The following DSP variants were observed in gnomAD, a reference collection of about 807,000 sequenced individuals.
The protein encoded by DSP is 250/210 kDa paraneoplastic pemphigus antigen.
A neutral mutation model predicts 290.6 loss-of-function variants in DSP; 114 were observed. The observed-to-expected ratio is 0.39, with a 90% CI of 0.34 to 0.46. The LOEUF (loss-of-function observed/expected upper bound fraction) is 0.46. DSP is among the 20% of genes least tolerant of loss of function. The pLI is 0.99. For synonymous variants in DSP, 1,311 were observed against 1,316.4 expected, an observed-to-expected ratio of 1.00 and a Z score of 0.09; for missense variants, 3,230 against 3,495.8, an observed-to-expected ratio of 0.92 and a Z score of 1.92.
intron 10 of DSP, 60 bp from the exon 11 acceptor site, chr6:7,568,377 A>C: frequency 6.3e-7 from 1 of 1,589,016 alleles, no homozygotes; most frequent in East Asian, 2.2e-5. Context: ...GCAGGTTGAA[A>C]ATCTCCTCTA....
intron 18 of DSP, 85 bp downstream of exon 18, chr6:7,575,573 AG>A: frequency 5.2e-6 from 8 of 1,531,266 alleles, no homozygotes; most frequent in Non-Finnish European, 7.2e-6. Context: ...GAACCACTGA[AG>A]AAAACAGAGG....
intron 15 of DSP, among the ~76,000 whole-genome samples, chr6:7,572,453 A>G (rs1275604142): frequency 2.0e-5 from 3 of 152,208 alleles, no homozygotes; most frequent in East Asian, 1.9e-4. Flanking sequence ...GAGTGTGACT[A>G]TGGCCCAGGT....
chr6:7,583,690 T>C lies in DSP; in HGVS notation c.6428T>C (p.Leu2143Ser), dbSNP rs1759532427. The C allele has an allele frequency of 6.2e-7, 1 of 1,614,044 alleles. No individual in the cohort carries two copies. The highest frequency in any genetic ancestry group is 8.5e-7 in the Non-Finnish European group (1 of 1,180,020). ...GVVDPVNSVF[L>S]PKDVALARGL... ...GTAGACCCTGTGAACAGTGTCTTTT[T>C]GCCAAAAGATGTCGCCTTGGCCCGG... The change falls in exon 24 of 24, where the codon TTG (leucine) becomes TCG (serine). Residue 2143 changes from leucine (L) to serine (S), a missense_variant. By Grantham distance (145) the Leu-to-Ser change is moderately radical. Coordinates refer to ENST00000379802, the MANE Select transcript of DSP (RefSeq NM_004415.4). This position sits in a 1 kb window ranked among gnomAD's most constrained non-coding sequence, Gnocchi z 4.0.
chr6:7,558,375 C>A, intron 3 of DSP, 111 bp downstream of exon 3: 1 of 1,466,362 alleles, frequency 6.8e-7, no homozygotes, highest in Non-Finnish European at 9.3e-7. Flanking sequence ...CACAAATGTT[C>A]CCAAGGAAAG....
At chr6:7,548,801 A>C (rs1485600410) in intron 1 of DSP, among the ~76,000 whole-genome samples, 2 of 152,194 alleles carry the variant, frequency 1.3e-5, no homozygotes, top group Non-Finnish European at 2.9e-5. Context: ...TGAGCTTTTG[A>C]AATCAGGGTA....
At chr6:7,543,698 T>G in intron 1 of DSP, among the ~76,000 whole-genome samples, 1 of 152,156 alleles carries the variant, frequency 6.6e-6, no homozygotes, top group Non-Finnish European at 1.5e-5. Context: ...CTTTTTGGCG[T>G]TTTCATGAAC....
Position 7,581,186 on chromosome 6 carries a change from C to A in DSP, c.4996C>A (p.Arg1666=). ...CTCTTCTGAGGTCGAGGCCCTGAGG[C>A]GGCAGTTACTCCAGGAACAGGAAAG... The part of the protein sequence containing the change: ...RLSSEVEALR[R]QLLQEQESVK... The change falls in exon 23 of 24, where the codon CGG becomes AGG. Residue 1666 remains arginine, a synonymous_variant. Coordinates refer to ENST00000379802, the MANE Select transcript of DSP (RefSeq NM_004415.4). 2.5e-6 allele frequency: 4 copies of A among 1,614,132 alleles called. No individual in the cohort carries two copies. The highest frequency in any genetic ancestry group is 3.4e-6 in the Non-Finnish European group (4 of 1,180,032).
In DSP at chr6:7,584,119, G is replaced by C; in HGVS notation, c.6857G>C (p.Gly2286Ala). ...EAMKIGLVRP[G>A]TALELLEAQA... The stretch of plus-strand genomic sequence containing the variant: ...ATGAAAATTGGCTTAGTCCGACCTG[G>C]TACTGCTCTGGAGTTGCTGGAAGCC... The change falls in exon 24 of 24, where the codon GGT becomes GCT. Residue 2286 changes from glycine (G) to alanine (A), a missense_variant. Gly to Ala is a moderately conservative substitution (Grantham distance 60, BLOSUM62 0). Around this residue, in one of 5 missense-constraint regions of DSP, gnomAD observed 207 missense variants for 281.2 expected, o/e 0.74. Coordinates refer to ENST00000379802, the MANE Select transcript of DSP (RefSeq NM_004415.4). The surrounding 1 kb of genome is among the most constrained non-coding windows in gnomAD (Gnocchi z 6.4). The C allele has an allele frequency of 6.2e-7, 1 of 1,614,110 alleles. No homozygotes were observed. Among genetic ancestry groups the C allele is most frequent in the South Asian group, 1.1e-5 (1 of 91,070 alleles).
Position 7,566,772 on chromosome 6 carries a change from A to G in DSP, c.1044+291A>G, listed in dbSNP as rs553017741. 1.2e-4 allele frequency among the ~76,000 whole-genome samples: 19 copies of G among 152,314 alleles called. No homozygotes were observed. The East Asian group carries it at 3.7e-3, about 29-fold the overall frequency. On this transcript the variant is annotated intron_variant, in intron 8 of 23. Coordinates refer to ENST00000379802, the MANE Select transcript of DSP (RefSeq NM_004415.4). ...AATGAATGAGTGTGCCTGTATTCCA[A>G]TAAAACTTTATTTACAAATAGAAGT...
At position 7,581,402 on chromosome 6, in the gene DSP, C is replaced by A. The variant is rs794728124; in HGVS notation, c.5212C>A (p.Arg1738=). 1.2e-6 allele frequency: 2 copies of A among 1,613,586 alleles called. No individual in the cohort carries two copies. Reference sequence around the variant, plus strand: ...GGAGTACGATGACCTGAGGAGAGGACGAAGCGAAGCGGACAGTGATAAAAA... The same window carrying A: ...GGAGTACGATGACCTGAGGAGAGGAAGAAGCGAAGCGGACAGTGATAAAAA... ...RLEYDDLRRG[R]SEADSDKNAT... Residue 1738 remains arginine, a synonymous_variant, in exon 23 of 24, where the codon CGA becomes AGA. Transcript: ENST00000379802.
intron 1 of DSP, among the ~76,000 whole-genome samples, chr6:7,546,186 A>G (rs1758165569): frequency 6.6e-6 from 1 of 152,182 alleles, no homozygotes. Flanking sequence ...ATGGAAAAGT[A>G]GGTATTGCCA....
rs1275478556 is a variant in DSP, at chr6:7,584,891, C to A, written c.7629C>A (p.Phe2543Leu). Reference protein sequence around the residue: ...AIDKGLVDRKFFDQYRSGSLS... With the variant: ...AIDKGLVDRKLFDQYRSGSLS... ...ACAAGGGCCTTGTTGACAGGAAGTT[C>A]TTTGATCAGTACCGATCCGGCAGCC... The change falls in exon 24 of 24, where the codon TTC becomes TTA. Residue 2543 changes from phenylalanine to leucine, a missense_variant. By Grantham distance (22) the Phe-to-Leu change is conservative (BLOSUM62 0). Around this residue, in one of 5 missense-constraint regions of DSP, gnomAD observed 582 missense variants for 555.4 expected, o/e 1.05. Transcript: ENST00000379802. This position sits in a 1 kb window ranked among gnomAD's most constrained non-coding sequence, Gnocchi z 6.4. The A allele has an allele frequency of 6.2e-7, 1 of 1,614,156 alleles. No individual in the cohort carries two copies. Among genetic ancestry groups the A allele is most frequent in the Non-Finnish European group, 8.5e-7 (1 of 1,180,024 alleles).
chr6:7,551,084 A>T lies in DSP; in HGVS notation c.171-4634A>T, dbSNP rs572924154. Among the ~76,000 whole-genome samples, 3 of 152,266 alleles carry T rather than the reference A, an allele frequency of 2.0e-5. No homozygotes were observed. In the South Asian group the frequency reaches 6.2e-4, roughly 32 times the overall value. ...ATGAATTAAATTTAATTCAATTAGC[A>T]TGAATAAATTTATTTACCATGAACT... On this transcript the variant is annotated intron_variant, in intron 1 of 23. Coordinates refer to ENST00000379802, the MANE Select transcript of DSP (RefSeq NM_004415.4).
In DSP at chr6:7,584,009, A is replaced by T; in HGVS notation, c.6747A>T (p.Arg2249Ser). ...TTTCTTATGACGAGGTTGGTGAGAG[A>T]ATTAAGGACTTCCTCCAGGGTTCAA... ...GQISYDEVGE[R>S]IKDFLQGSSC... The change falls in exon 24 of 24, where the codon AGA (arginine) becomes AGT (serine). Residue 2249 changes from arginine (R) to serine (S), a missense_variant. Transcript: ENST00000379802. The surrounding 1 kb of genome is among the most constrained non-coding windows in gnomAD (Gnocchi z 6.4). The T allele has an allele frequency of 6.2e-7, 1 of 1,614,174 alleles. No individual in the cohort carries two copies. Among genetic ancestry groups the T allele is most frequent in the South Asian group, 1.1e-5 (1 of 91,072 alleles).
rs1344019632 is a variant in DSP at position 7,586,025 on chromosome 6, A to AT, written c.*148dup. ...AAAATATAGCCATGATTGAAATCAA[A>AT]TAGTAAAGGCTGTTCTGGCTTTTTA... On this transcript the variant is annotated 3_prime_UTR_variant, in exon 24 of 24. Coordinates refer to ENST00000379802, the MANE Select transcript of DSP (RefSeq NM_004415.4). The AT allele has an allele frequency of 3.5e-6, 3 of 847,266 alleles. No individual in the cohort carries two copies. Among genetic ancestry groups the AT allele is most frequent in the South Asian group, 1.6e-5 (1 of 62,386 alleles). The allele number at this position is 847,266 out of a possible 1,614,324, so 52.5% of individuals were successfully genotyped here.
Position 7,581,333 on chromosome 6 carries a change from A to G in DSP, c.5143A>G (p.Lys1715Glu). ...RLQSLTENLTKEHLMLEEELR... is the reference protein window; with the variant it reads ...RLQSLTENLTEEHLMLEEELR... ...GCAGTCTCTCACAGAGAACCTGACC[A>G]AGGAGCACTTGATGTTAGAAGAAGA... Residue 1715 changes from lysine to glutamate, a missense_variant, in exon 23 of 24, where the codon AAG becomes GAG. Transcript: ENST00000379802. 6.2e-7 allele frequency: 1 copy of G among 1,614,228 alleles called. No individual in the cohort carries two copies. Among genetic ancestry groups the G allele is most frequent in the South Asian group, 1.1e-5 (1 of 91,084 alleles).
chr6:7,565,549 C>T lies in DSP; in HGVS notation c.939+29C>T. 1.9e-6 allele frequency: 3 copies of T among 1,613,416 alleles called. No individual in the cohort carries two copies. The East Asian group carries it at 6.7e-5, about 36-fold the overall frequency. ...AGTTCACCCCACGCGGCTGTAGATG[C>T]TTGTCTTGAGCCTGTTGCCTTGAAG... is the stretch of plus-strand genomic sequence containing the variant. On this transcript the variant is annotated intron_variant, in intron 7 of 23. Transcript: ENST00000379802. The surrounding 1 kb of genome is among the most constrained non-coding windows in gnomAD (Gnocchi z 4.2).
intron 1 of DSP, among the ~76,000 whole-genome samples, chr6:7,542,931 G>C (rs1418591556): frequency 6.6e-6 from 1 of 151,636 alleles, no homozygotes; most frequent in East Asian, 1.9e-4. Context: ...GAATGTGTGG[G>C]CAGGGGAGTG....
At chr6:7,554,466 C>T (rs949638758) in intron 1 of DSP, among the ~76,000 whole-genome samples, 35 of 152,086 alleles carry the variant, frequency 2.3e-4, no homozygotes, top group African/African-American at 7.7e-4. Flanking sequence ...AAAAGTGCCT[C>T]ATTTGAAATG....
Sources: gnomAD v4.1 joint callset for allele counts (sites outside exome capture counted in the v4.1 genomes callset) on GRCh38, gnomAD v4.1.1 for gene constraint, gnomAD v4.1.1 regional missense constraint, Gnocchi (gnomAD v3.1) non-coding constraint, MANE v1.5 for transcripts, NCBI Gene and HGNC (gene_info 2026-07-23, HGNC 2026-07-21) for gene names.